Variants in TERT observed in about 807,000 individuals in gnomAD.
The protein encoded by TERT is telomerase catalytic subunit.
A neutral mutation model predicts 104.0 loss-of-function variants in TERT; 42 were observed. That is an observed-to-expected ratio of 0.40 (90% confidence interval 0.32 to 0.52). The LOEUF (loss-of-function observed/expected upper bound fraction) is 0.52, where lower values mean the gene tolerates loss of function less well. Among genes scored for constraint, TERT ranks in the 20% least tolerant of loss-of-function variants. TERT has a pLI of 0.43. For synonymous variants in TERT, 781 were observed against 725.6 expected, an observed-to-expected ratio of 1.08 and a Z score of -1.23; for missense variants, 1,101 against 1,610.3, an observed-to-expected ratio of 0.68 and a Z score of 5.41.
intron 2 of TERT, among the ~76,000 whole-genome samples, chr5:1,290,482 A>G (rs1301158688): frequency 2.0e-5 from 1 of 50,334 alleles, no homozygotes; most frequent in Non-Finnish European, 3.5e-5. Flanking sequence ...CGCGTCAATC[A>G]CCCTGCACGT....
rs1168605061 is a variant in TERT, at chr5:1,288,420, T to C, written c.1573+4893A>G. ...TCAAAACTAAGACCCAAGAGGGAAG[T>C]CTGACGAAGGCTGGCGGAGACACCG... On this transcript the variant is annotated intron_variant, in intron 2 of 15. Coordinates refer to ENST00000310581, the MANE Select transcript of TERT (RefSeq NM_198253.3). The surrounding 1 kb of genome is among the most constrained non-coding windows in gnomAD (Gnocchi z 5.3). 6.6e-6 allele frequency among the ~76,000 whole-genome samples: 1 copy of C among 152,030 alleles called. No individual in the cohort carries two copies. The highest frequency in any genetic ancestry group is 1.5e-5 in the Non-Finnish European group (1 of 68,006).
rs1751108068 is a variant in TERT at position 1,293,309 on chromosome 5, TC to T, written c.1573+3del. On this transcript the variant is annotated splice_donor_region_variant and intron_variant, in intron 2 of 15. Transcript: ENST00000310581. ...TGGGCCCTCGACGGCCACCACCTCC[TC>T]ACCTGGGCTCCTGCGCAGCCAAGCG... The T allele has an allele frequency of 6.2e-7, 1 of 1,612,468 alleles. No individual in the cohort carries two copies. The highest frequency in any genetic ancestry group is 1.7e-5 in the Admixed American group (1 of 60,006).
Position 1,293,809 on chromosome 5 carries a change from C to A in TERT, c.1077G>T (p.Arg359Ser). 1 of 1,550,704 alleles carries A rather than the reference C, an allele frequency of 6.4e-7. No homozygotes were observed. Among genetic ancestry groups the A allele is most frequent in the South Asian group, 1.2e-5 (1 of 84,116 alleles). ...AACCCAGAAAGATGGTCTCCACGAG[C>A]CTCCGAGCGCCAGTCAGGCTGGGCC... Reference protein sequence around the residue: ...SLRPSLTGARRLVETIFLGSR... With the variant: ...SLRPSLTGARSLVETIFLGSR... The change falls in exon 2 of 16, where the codon AGG becomes AGT. Residue 359 changes from arginine (R) to serine (S), a missense_variant. Arg to Ser is a moderately radical substitution (Grantham distance 110, BLOSUM62 -1). This residue lies in a region of TERT where 504 missense variants were observed against 544.6 expected (regional missense o/e 0.93). Transcript: ENST00000310581.
In TERT at chr5:1,269,756, A is replaced by C. The variant is rs979493304; in HGVS notation, c.2469-1123T>G. Among the ~76,000 whole-genome samples, 2 of 152,208 alleles carry C rather than the reference A, an allele frequency of 1.3e-5. No individual in the cohort carries two copies. Among genetic ancestry groups the C allele is most frequent in the African/African-American group, 4.8e-5 (2 of 41,448 alleles). Reference sequence around the variant, plus strand: ...GCCAGCCCAGCGAGTCAACGCAAGCAGATACGCCCCTGTGAGCACATGGGA... The same window carrying C: ...GCCAGCCCAGCGAGTCAACGCAAGCCGATACGCCCCTGTGAGCACATGGGA... On this transcript the variant is annotated intron_variant, in intron 8 of 15. Coordinates refer to ENST00000310581, the MANE Select transcript of TERT (RefSeq NM_198253.3). The surrounding 1 kb of genome is among the most constrained non-coding windows in gnomAD (Gnocchi z 9.0).
At position 1,268,440 on chromosome 5, in the gene TERT, G is replaced by T; in HGVS notation, c.2582+80C>A. 9.1e-7 allele frequency: 1 copy of T among 1,100,332 alleles called. No homozygotes were observed. The highest frequency in any genetic ancestry group is 1.4e-6 in the Non-Finnish European group (1 of 735,252). The allele number at this position is 1,100,332 out of a possible 1,614,324, so 68.2% of individuals were successfully genotyped here. A position where few individuals can be genotyped will look rare whatever the true frequency, so the allele number is the denominator to read the frequency against. On this transcript the variant is annotated intron_variant, in intron 9 of 15. Transcript: ENST00000310581. This position sits in a 1 kb window ranked among gnomAD's most constrained non-coding sequence, Gnocchi z 5.5. ...AGACAGAGCAGTCATGGTCTCCAGAGCACCAGGAATATTAACACTGAATGC... is the reference window on the plus strand; with the variant it reads ...AGACAGAGCAGTCATGGTCTCCAGATCACCAGGAATATTAACACTGAATGC...
rs1205349172 is a variant in TERT at position 1,286,660 on chromosome 5, T to C, written c.1574-4036A>G. 6.6e-6 allele frequency among the ~76,000 whole-genome samples: 1 copy of C among 152,058 alleles called. No individual in the cohort carries two copies. Among genetic ancestry groups the C allele is most frequent in the Admixed American group, 6.5e-5 (1 of 15,268 alleles). ...TGGGAGGCCAAGGCGGGCAGATCAC[T>C]TGAGGTCAGGAGTTTGAGACCAGCC... is the stretch of plus-strand genomic sequence containing the variant. On this transcript the variant is annotated intron_variant, in intron 2 of 15. Transcript: ENST00000310581. This position sits in a 1 kb window ranked among gnomAD's most constrained non-coding sequence, Gnocchi z 5.3.
At chr5:1,280,966 G>T (rs552362599) in intron 3 of TERT, among the ~76,000 whole-genome samples, 2 of 152,208 alleles carry the variant, frequency 1.3e-5, no homozygotes, top group Non-Finnish European at 2.9e-5. Context: ...CTGGGGCCGC[G>T]GGTGCTCCGG....
In TERT at chr5:1,286,487, G is replaced by A. The variant is rs1750496223; in HGVS notation, c.1574-3863C>T. ...CCTGAGATAGAACTAAGTCAGCAGG[G>A]AAAACAGCACACAGGCTGGGGGGTG... On this transcript the variant is annotated intron_variant, in intron 2 of 15. Coordinates refer to ENST00000310581, the MANE Select transcript of TERT (RefSeq NM_198253.3). This position sits in a 1 kb window ranked among gnomAD's most constrained non-coding sequence, Gnocchi z 5.3. 6.6e-6 allele frequency among the ~76,000 whole-genome samples: 1 copy of A among 152,164 alleles called. No individual in the cohort carries two copies. The highest frequency in any genetic ancestry group is 2.4e-5 in the African/African-American group (1 of 41,444).
chr5:1,266,655 C>T lies in TERT; in HGVS notation c.2583-120G>A, dbSNP rs182877146. On this transcript the variant is annotated intron_variant, in intron 9 of 15. Coordinates refer to ENST00000310581, the MANE Select transcript of TERT (RefSeq NM_198253.3). The stretch of plus-strand genomic sequence containing the variant: ...ATAAATAAAGTAACATTCTCCAAAG[C>T]GGTTAAATGAAAAACTTAAATTTCT... The T allele has an allele frequency of 6.0e-4, 546 of 906,324 alleles. 1 individual carries two copies. Among genetic ancestry groups the T allele is most frequent in the Non-Finnish European group, 8.5e-4 (477 of 561,800 alleles). 56.1% of individuals were successfully genotyped at this position (906,324 alleles called of 1,614,324 possible).
rs2126689682 is a variant in TERT, at chr5:1,294,421, G to A, written c.465C>T (p.Arg155=). 6.3e-7 allele frequency: 1 copy of A among 1,591,006 alleles called. No homozygotes were observed. The highest frequency in any genetic ancestry group is 1.1e-5 in the South Asian group (1 of 90,034). ...GAGCCACCAGCACAAAGAGCGCGCA[G>A]CGTGCCAGCAGGTGAACCAGCACGT... ...GDDVLVHLLA[R]CALFVLVAPS... The change falls in exon 2 of 16, where the codon CGC becomes CGT. Residue 155 remains arginine (R), a synonymous_variant. Transcript: ENST00000310581.
In TERT at chr5:1,265,119, C is replaced by A. The variant is rs569403257; in HGVS notation, c.2655-527G>T. ...CCTGGCTGGGCTGTGAGCTGGGCAA[C>A]ACCAGTCGTCAGCTTCACGTCAAGG... On this transcript the variant is annotated intron_variant, in intron 10 of 15. Coordinates refer to ENST00000310581, the MANE Select transcript of TERT (RefSeq NM_198253.3). This position sits in a 1 kb window ranked among gnomAD's most constrained non-coding sequence, Gnocchi z 6.9. 2.0e-5 allele frequency among the ~76,000 whole-genome samples: 3 copies of A among 152,332 alleles called. No homozygotes were observed. In the South Asian group the frequency reaches 6.2e-4, roughly 32 times the overall value.
Position 1,293,685 on chromosome 5 carries a change from C to T in TERT, c.1201G>A (p.Ala401Thr), listed in dbSNP as rs370887827. The T allele has an allele frequency of 1.9e-6, 3 of 1,573,426 alleles. No homozygotes were observed. Among genetic ancestry groups the T allele is most frequent in the East Asian group, 2.3e-5 (1 of 43,264 alleles). ...PLFLELLGNH[A>T]QCPYGVLLKT... The stretch of plus-strand genomic sequence containing the variant: ...AGGAGCACCCCGTAGGGGCACTGCG[C>T]GTGGTTCCCAAGCAGCTCCAGAAAC... Residue 401 changes from alanine (A) to threonine (T), a missense_variant, in exon 2 of 16, where the codon GCG becomes ACG. Physicochemically the swap from Ala to Thr is moderately conservative, Grantham distance 58. Coordinates refer to ENST00000310581, the MANE Select transcript of TERT (RefSeq NM_198253.3).
Position 1,268,567 on chromosome 5 carries a change from G to A in TERT, c.2535C>T (p.Cys845=), listed in dbSNP as rs1315355339. 3 of 1,613,420 alleles carry A rather than the reference G, an allele frequency of 1.9e-6. No homozygotes were observed. Among genetic ancestry groups the A allele is most frequent in the East Asian group, 4.5e-5 (2 of 44,898 alleles). ...ACAGCTTGTTCTCCATGTCGCCGTAGCACAGGCTGCAGAGCAGCGTGGAGA... is the reference window on the plus strand; with the variant it reads ...ACAGCTTGTTCTCCATGTCGCCGTAACACAGGCTGCAGAGCAGCGTGGAGA... The part of the protein sequence containing the change: ...SILSTLLCSL[C]YGDMENKLFA... The change falls in exon 9 of 16, where the codon TGC becomes TGT. Residue 845 remains cysteine, a synonymous_variant. Coordinates refer to ENST00000310581, the MANE Select transcript of TERT (RefSeq NM_198253.3). This position sits in a 1 kb window ranked among gnomAD's most constrained non-coding sequence, Gnocchi z 5.5.
In TERT at chr5:1,279,323, G is replaced by T; in HGVS notation, c.2098C>A (p.Gln700Lys). ...AAGTACAGCTCAGGCGGCGGGTCCT[G>T]GGCCCGCACACGCAGCACGAAGGTG... is the stretch of plus-strand genomic sequence containing the variant. The part of the protein sequence containing the change: ...WRTFVLRVRA[Q>K]DPPPELYFVK... The change falls in exon 5 of 16, where the codon CAG becomes AAG. Residue 700 changes from glutamine to lysine, a missense_variant. Gln to Lys is a moderately conservative substitution (Grantham distance 53). Coordinates refer to ENST00000310581, the MANE Select transcript of TERT (RefSeq NM_198253.3). 6.3e-7 allele frequency: 1 copy of T among 1,585,630 alleles called. No homozygotes were observed.
Position 1,294,023 on chromosome 5 carries a change from G to A in TERT, c.863C>T (p.Ala288Val), listed in dbSNP as rs774657340. ...GTGGGAGTGGCGCGTGCCAGAGAGCGCACCCTCCAAAGAGGTGGCTTCTTC... is the reference window on the plus strand; with the variant it reads ...GTGGGAGTGGCGCGTGCCAGAGAGCACACCCTCCAAAGAGGTGGCTTCTTC... ...PAEEATSLEG[A>V]LSGTRHSHPS... Residue 288 changes from alanine to valine, a missense_variant, in exon 2 of 16, where the codon GCG becomes GTG. Physicochemically the swap from Ala to Val is moderately conservative, Grantham distance 64. Transcript: ENST00000310581. 2.0e-5 allele frequency: 32 copies of A among 1,594,668 alleles called. No homozygotes were observed. The Admixed American group carries it at 3.4e-4, about 17-fold the overall frequency.
In TERT at chr5:1,294,556, G is replaced by C; in HGVS notation, c.330C>G (p.Gly110=). The C allele has an allele frequency of 1.3e-6, 2 of 1,579,030 alleles. No homozygotes were observed. Among genetic ancestry groups the C allele is most frequent in the African/African-American group, 1.3e-5 (1 of 74,528 alleles). ...GFALLDGARG[G]PPEAFTTSVR... Reference sequence around the variant, plus strand: ...CGCTGGTGGTGAAGGCCTCGGGGGGGCCCCCGCGGGCCCCGTCCAGCAGCG... The same window carrying C: ...CGCTGGTGGTGAAGGCCTCGGGGGGCCCCCCGCGGGCCCCGTCCAGCAGCG... Residue 110 remains glycine (G), a synonymous_variant, in exon 2 of 16, where the codon GGC becomes GGG. Transcript: ENST00000310581.
chr5:1,279,272 G>A lies in TERT; in HGVS notation c.2130+19C>T, dbSNP rs748903827. ...CCCAAGGTCCAGCAGGGCTGCTCAC[G>A]GGGGTCCCCGGCACCCACCTTGACA... On this transcript the variant is annotated intron_variant, in intron 5 of 15. Transcript: ENST00000310581. 9 of 1,561,478 alleles carry A rather than the reference G, an allele frequency of 5.8e-6. No individual in the cohort carries two copies. Among genetic ancestry groups the A allele is most frequent in the South Asian group, 3.6e-5 (3 of 84,428 alleles).
intron 2 of TERT, among the ~76,000 whole-genome samples, chr5:1,284,444 C>CACCGTCT (rs2126657236): frequency 9.4e-6 from 1 of 106,818 alleles, no homozygotes; most frequent in South Asian, 3.3e-4. Flanking sequence ...CAGGGTCTGG[C>CACCGTCT]GACCTCACCC....
chr5:1,275,962 C>T (rs112605347), intron 6 of TERT, among the ~76,000 whole-genome samples: 1 of 145,098 alleles, frequency 6.9e-6, no homozygotes. Context: ...TCCACAGATC[C>T]CCACCTACCC....
Sources: gnomAD v4.1 joint callset for allele counts (sites outside exome capture counted in the v4.1 genomes callset) on GRCh38, gnomAD v4.1.1 for gene constraint, gnomAD v4.1.1 regional missense constraint, Gnocchi (gnomAD v3.1) non-coding constraint, MANE v1.5 for transcripts, NCBI Gene and HGNC (gene_info 2026-07-23, HGNC 2026-07-21) for gene names.